Variants in PLCL1 observed in about 807,000 individuals in gnomAD.
PLCL1 encodes the protein inactive phospholipase C-like protein 1.
PLCL1 carries 41 observed loss-of-function variants against 84.4 expected under a neutral mutation model. The ratio of observed to expected loss-of-function variants is 0.49; its 90% CI spans 0.38 to 0.63. The LOEUF (loss-of-function observed/expected upper bound fraction) is 0.63, where lower values mean the gene tolerates loss of function less well. Ranked by LOEUF, PLCL1 falls within the 30% of genes least tolerant of loss-of-function variation. The pLI is 0.00. For missense variants in PLCL1, 1,206 were observed against 1,367.8 expected (o/e 0.88, Z 1.87); for synonymous variants, 490 against 488.3 (o/e 1.00, Z -0.05).
rs546120311 is a variant in PLCL1, at chr2:198,091,164, A to G, written c.2919+2103A>G. ...CATGGTAAACTTGGTAGAATTCAAA[A>G]ATGATTAAAAACACCATTGACATCT... On this transcript the variant is annotated intron_variant, in intron 3 of 5. Transcript: ENST00000428675. Among the ~76,000 whole-genome samples, 57 of 152,296 alleles carry G rather than the reference A, an allele frequency of 3.7e-4. 1 individual carries two copies. The highest frequency in any genetic ancestry group is 1.3e-3 in the African/African-American group (56 of 41,562).
chr2:198,062,457 A>G (rs1692226327), intron 1 of PLCL1, among the ~76,000 whole-genome samples: 1 of 152,218 alleles, frequency 6.6e-6, no homozygotes, highest in Admixed American at 6.5e-5. Context: ...AGAACTGCTT[A>G]TGTAAAATAA....
At chr2:198,055,510 C>G (rs1692048087) in intron 1 of PLCL1, among the ~76,000 whole-genome samples, 1 of 118,148 alleles carries the variant, frequency 8.5e-6, no homozygotes, top group Non-Finnish European at 1.7e-5. Flanking sequence ...GTTTCTCAAA[C>G]CTTTTATTTT....
intron 1 of PLCL1, among the ~76,000 whole-genome samples, chr2:198,059,043 C>G (rs1236545602): frequency 2.6e-5 from 4 of 152,160 alleles, no homozygotes; most frequent in Admixed American, 6.5e-5. Flanking sequence ...ATCATGAGCT[C>G]TAGCTGAGTT....
intron 1 of PLCL1, among the ~76,000 whole-genome samples, chr2:197,901,969 C>T (rs1381073401): frequency 1.3e-5 from 2 of 152,100 alleles, no homozygotes; most frequent in Non-Finnish European, 2.9e-5. Context: ...TCTTATCAAA[C>T]AAGTAACTTT....
intron 1 of PLCL1, among the ~76,000 whole-genome samples, chr2:198,064,806 C>T (rs1250518735): frequency 2.6e-5 from 4 of 152,092 alleles, no homozygotes; most frequent in Admixed American, 6.5e-5. Flanking sequence ...AAAGCAAAGA[C>T]TGAATGAAAG....
At chr2:197,986,299 T>G (rs1158393068) in intron 1 of PLCL1, among the ~76,000 whole-genome samples, 1 of 152,200 alleles carries the variant, frequency 6.6e-6, no homozygotes, top group African/African-American at 2.4e-5. Context: ...CAAGGCTCTG[T>G]GTGCTGCAAA....
Position 198,045,817 on chromosome 2 carries a change from C to G in PLCL1, c.241-37941C>G, listed in dbSNP as rs140190925. ...ATTGTCAATAATAGCATACAATTGC[C>G]TCTTTAGGTTTAGCTGTGATTATTT... On this transcript the variant is annotated intron_variant, in intron 1 of 5. Transcript: ENST00000428675. Among the ~76,000 whole-genome samples the G allele has an allele frequency of 4.8e-4, 73 of 152,234 alleles. 1 individual carries two copies. In the East Asian group the frequency reaches 0.012, roughly 26 times the overall value.
intron 1 of PLCL1, among the ~76,000 whole-genome samples, chr2:197,872,985 G>A (rs906771369): frequency 7.9e-5 from 12 of 152,052 alleles, no homozygotes; most frequent in Admixed American, 3.3e-4. Flanking sequence ...TTCCTGATGA[G>A]ATAACTGAAG....
intron 1 of PLCL1, among the ~76,000 whole-genome samples, chr2:197,947,443 C>T (rs1689303421): frequency 6.6e-6 from 1 of 151,944 alleles, no homozygotes; most frequent in Non-Finnish European, 1.5e-5. Flanking sequence ...GCTCTGGAGA[C>T]ACTTTGAGAA....
At chr2:198,122,209 C>T (rs1693884189) in intron 5 of PLCL1, among the ~76,000 whole-genome samples, 1 of 151,948 alleles carries the variant, frequency 6.6e-6, no homozygotes, top group South Asian at 2.1e-4. Context: ...ACAATTATCC[C>T]AGTGCAAGAA....
chr2:197,913,974 AAT>A (rs1195045039), intron 1 of PLCL1, among the ~76,000 whole-genome samples: 1 of 152,154 alleles, frequency 6.6e-6, no homozygotes, highest in African/African-American at 2.4e-5. Context: ...TATACTAATT[AAT>A]ATGTTACTAT....
intron 1 of PLCL1, among the ~76,000 whole-genome samples, chr2:197,918,614 AG>A (rs1377205960): frequency 3.9e-5 from 6 of 152,146 alleles, no homozygotes; most frequent in Non-Finnish European, 7.4e-5. Context: ...TCCATTTAAA[AG>A]AAGATTTTTA....
intron 1 of PLCL1, among the ~76,000 whole-genome samples, chr2:198,079,087 G>A (rs150368047): frequency 0.017 from 2,517 of 151,788 alleles, 33 homozygotes; most frequent in Middle Eastern, 0.048. Flanking sequence ...GAGTTTTCTG[G>A]GGGCTTATCA....
chr2:197,873,694 C>A (rs1432554349), intron 1 of PLCL1, among the ~76,000 whole-genome samples: 2 of 152,264 alleles, frequency 1.3e-5, no homozygotes, highest in Middle Eastern at 3.4e-3. Context: ...TAGATTCAGC[C>A]AGTCTGACTT....
intron 3 of PLCL1, among the ~76,000 whole-genome samples, chr2:198,098,110 A>G (rs565679275): frequency 2.0e-4 from 31 of 152,310 alleles, no homozygotes; most frequent in African/African-American, 7.0e-4. Context: ...GCAGAACCAT[A>G]GAATCGAAAC....
At chr2:197,997,994 G>T (rs1466967159) in intron 1 of PLCL1, among the ~76,000 whole-genome samples, 1 of 152,126 alleles carries the variant, frequency 6.6e-6, no homozygotes, top group Admixed American at 6.5e-5. Context: ...TATGGTAAAG[G>T]AGTTGCCAAG....
At chr2:197,993,320 T>C (rs1250331261) in intron 1 of PLCL1, among the ~76,000 whole-genome samples, 2 of 152,196 alleles carry the variant, frequency 1.3e-5, no homozygotes, top group Non-Finnish European at 2.9e-5. Context: ...TGGAGAAATG[T>C]CTATTCAAGT....
At chr2:197,966,309 G>A (rs1432509661) in intron 1 of PLCL1, among the ~76,000 whole-genome samples, 1 of 152,088 alleles carries the variant, frequency 6.6e-6, no homozygotes, top group African/African-American at 2.4e-5. Flanking sequence ...TCTGAGCCCA[G>A]CACAGCACCA....
At chr2:197,894,170 C>T (rs1318064322) in intron 1 of PLCL1, among the ~76,000 whole-genome samples, 1 of 151,976 alleles carries the variant, frequency 6.6e-6, no homozygotes, top group Admixed American at 6.6e-5. Flanking sequence ...GTCCATGCCC[C>T]GTTCCTGCCT....
Sources: allele counts gnomAD v4.1 joint callset (sites outside exome capture counted in the v4.1 genomes callset), GRCh38; gene constraint gnomAD v4.1.1; transcripts MANE v1.5; gene names NCBI Gene and HGNC (gene_info 2026-07-23, HGNC 2026-07-21).